The following KLRG1 variants were observed in gnomAD, a reference collection of about 807,000 sequenced individuals.
KLRG1 encodes killer cell lectin-like receptor subfamily G member 1.
A neutral mutation model predicts 21.8 loss-of-function variants in KLRG1; 16 were observed. The ratio of observed to expected loss-of-function variants is 0.73; its 90% CI spans 0.50 to 1.11. The LOEUF is 1.11. Ranked by LOEUF, KLRG1 falls within the 50% of genes most tolerant of loss-of-function variation. KLRG1 has a pLI of 0.00. For synonymous variants in KLRG1, 69 were observed against 75.9 expected (o/e 0.91, Z 0.47); for missense variants, 173 against 218.3 (o/e 0.79, Z 1.31).
At chr12:9,205,904 T>C in the KLRG1 span, among the ~76,000 whole-genome samples, 55 of 152,302 alleles carry the variant, frequency 3.6e-4, no homozygotes, top group African/African-American at 1.2e-3. Flanking sequence ...CTCCATGTAG[T>C]CTGCTCCAGC....
At chr12:9,169,299 G>T in the KLRG1 span, 3 of 917,194 alleles carry the variant, frequency 3.3e-6, no homozygotes, top group Non-Finnish European at 3.1e-6. Flanking sequence ...CCTTTTTATT[G>T]GCTTCATTTT....
the KLRG1 span, among the ~76,000 whole-genome samples, chr12:9,199,974 C>T: frequency 7.9e-5 from 12 of 152,302 alleles, no homozygotes; most frequent in South Asian, 2.1e-3. Context: ...AGATACTTGA[C>T]TGTAAACTTG....
At chr12:9,194,007 C>A in the KLRG1 span, 2 of 1,389,568 alleles carry the variant, frequency 1.4e-6, no homozygotes, top group Non-Finnish European at 2.0e-6. Context: ...GCAATCTGTA[C>A]ATTTCTTCTG....
the KLRG1 span, among the ~76,000 whole-genome samples, chr12:9,189,819 A>G: frequency 6.6e-6 from 1 of 152,228 alleles, no homozygotes; most frequent in Non-Finnish European, 1.5e-5. Context: ...ACCACATTAA[A>G]AAGTGGGCAA....
chr12:9,007,380 T>C (rs1482917203), intron 3 of KLRG1, among the ~76,000 whole-genome samples: 3 of 152,082 alleles, frequency 2.0e-5, no homozygotes, highest in Admixed American at 6.6e-5. Flanking sequence ...CATGCCTCAG[T>C]CTCCCAAGTA....
chr12:9,011,282 T>C (rs1947629406), downstream of KLRG1, among the ~76,000 whole-genome samples: 1 of 152,142 alleles, frequency 6.6e-6, no homozygotes, highest in African/African-American at 2.4e-5. Flanking sequence ...GAAGTAACAG[T>C]TTACTTCCTG....
the KLRG1 span, chr12:9,157,225 T>C: frequency 1.8e-5 from 29 of 1,614,146 alleles, no homozygotes; most frequent in Non-Finnish European, 2.5e-5. Flanking sequence ...TCTATTCTGA[T>C]TTTGCTTTCC....
downstream of KLRG1, among the ~76,000 whole-genome samples, chr12:9,011,521 C>T (rs1947631971): frequency 6.6e-6 from 1 of 151,192 alleles, no homozygotes; most frequent in South Asian, 2.1e-4. Flanking sequence ...ACAGAGCAGT[C>T]ACAAAATTAA....
At chr12:9,151,908 A>G in the KLRG1 span, among the ~76,000 whole-genome samples, 4 of 152,282 alleles carry the variant, frequency 2.6e-5, no homozygotes, top group South Asian at 4.1e-4. Context: ...TTTTTAGTGC[A>G]TATCAGTCAG....
chr12:9,038,903 C>CA, the KLRG1 span, among the ~76,000 whole-genome samples: 84,112 of 136,772 alleles, frequency 0.61, 26,041 homozygotes, highest in Non-Finnish European at 0.71. Flanking sequence ...GACTCTGTCT[C>CA]AAAAAAAAAA....
chr12:9,036,003 T>C, the KLRG1 span, among the ~76,000 whole-genome samples: 1 of 151,822 alleles, frequency 6.6e-6, no homozygotes, highest in African/African-American at 2.4e-5. Flanking sequence ...AGAGTGGAGA[T>C]TGGGAGAGAG....
the KLRG1 span, among the ~76,000 whole-genome samples, chr12:9,042,034 A>G: frequency 3.3e-5 from 5 of 152,222 alleles, no homozygotes; most frequent in African/African-American, 4.8e-5. Flanking sequence ...GGCTGGAAGG[A>G]CAAGGAACAC....
At chr12:9,195,611 ATT>A in the KLRG1 span, among the ~76,000 whole-genome samples, 317 of 104,216 alleles carry the variant, frequency 3.0e-3, 1 homozygote, top group African/African-American at 0.011. Context: ...CCCACTGCTA[ATT>A]TTTTTTTTTT....
At chr12:9,106,091 T>G in the KLRG1 span, 2 of 532,740 alleles carry the variant, frequency 3.8e-6, no homozygotes, top group Non-Finnish European at 6.7e-6. Flanking sequence ...CCTTTGGTTA[T>G]ACTAATCAAG....
chr12:9,192,658 G>T, the KLRG1 span: 4 of 1,613,936 alleles, frequency 2.5e-6, no homozygotes, highest in South Asian at 2.2e-5. Flanking sequence ...GAGAAAACAC[G>T]ATTTGCAGTG....
At chr12:9,213,546 T>A in the KLRG1 span, among the ~76,000 whole-genome samples, 58 of 152,268 alleles carry the variant, frequency 3.8e-4, 1 homozygote, top group African/African-American at 1.3e-3. Context: ...AAGAGGTATC[T>A]CTTTATGGTT....
chr12:9,194,180 A>T, the KLRG1 span: 2 of 1,614,064 alleles, frequency 1.2e-6, no homozygotes. Flanking sequence ...GGCGTCATTC[A>T]CAGAGATGAA....
At chr12:8,959,071 T>C (rs1565535249) in intron 1 of KLRG1, among the ~76,000 whole-genome samples, 1 of 152,194 alleles carries the variant, frequency 6.6e-6, no homozygotes, top group Non-Finnish European at 1.5e-5. Context: ...CATTCTAATG[T>C]GGGGGCCAAG....
At chr12:9,196,861 T>C in the KLRG1 span, 2 of 772,422 alleles carry the variant, frequency 2.6e-6, no homozygotes, top group East Asian at 5.2e-5. Flanking sequence ...GTCGTCCAAA[T>C]GAGAATCTTG....
Sources: allele counts gnomAD v4.1 joint callset (sites outside exome capture counted in the v4.1 genomes callset), GRCh38; gene constraint gnomAD v4.1.1; transcripts MANE v1.5; gene names NCBI Gene and HGNC (gene_info 2026-07-23, HGNC 2026-07-21).